Variants in CTNNA2 observed in about 807,000 individuals in gnomAD.
CTNNA2 encodes catenin alpha-2.
CTNNA2 carries 42 observed loss-of-function variants against 101.0 expected under a neutral mutation model. The observed-to-expected ratio is 0.42, with a 90% CI of 0.32 to 0.54. The LOEUF is 0.54. CTNNA2 is among the 20% of genes least tolerant of loss of function. The pLI is 0.14. For missense variants in CTNNA2, 871 were observed against 1,223.1 expected (o/e 0.71, Z 4.29); for synonymous variants, 450 against 456.4 (o/e 0.99, Z 0.18).
chr2:79,275,086 C>T (rs996840387), intron 2 of CTNNA2, among the ~76,000 whole-genome samples: 4 of 152,078 alleles, frequency 2.6e-5, no homozygotes, highest in African/African-American at 9.7e-5. Flanking sequence ...ACCTGGAAGG[C>T]TTCAGTTATT....
At chr2:79,707,670 C>G (rs1685471858) in intron 2 of CTNNA2, among the ~76,000 whole-genome samples, 1 of 152,230 alleles carries the variant, frequency 6.6e-6, no homozygotes, top group Non-Finnish European at 1.5e-5. Context: ...ACTCCTTCAG[C>G]ACTCTCGTTA....
At chr2:80,566,009 G>A (rs950955277) in intron 12 of CTNNA2, among the ~76,000 whole-genome samples, 7 of 151,994 alleles carry the variant, frequency 4.6e-5, no homozygotes, top group Non-Finnish European at 7.4e-5. Flanking sequence ...ATCAAGCATC[G>A]TTGCTACAAT....
At chr2:80,087,681 G>A (rs1455583297) in intron 7 of CTNNA2, among the ~76,000 whole-genome samples, 1 of 152,008 alleles carries the variant, frequency 6.6e-6, no homozygotes, top group Non-Finnish European at 1.5e-5. Context: ...CATCACCTGG[G>A]CATCTTATTA....
rs139832666 is a variant in CTNNA2 at position 79,796,896 on chromosome 2, C to T, written c.298+52314C>T. On this transcript the variant is annotated intron_variant, in intron 3 of 18. Coordinates refer to ENST00000402739, the MANE Select transcript of CTNNA2 (RefSeq NM_001282597.3). ...TAGCCCTCCAGGAGATGGAACAGTG[C>T]AGGGATGAGATAGATATGACTCATG... 2.4e-4 allele frequency among the ~76,000 whole-genome samples: 37 copies of T among 152,248 alleles called. No individual in the cohort carries two copies. In the East Asian group the frequency reaches 6.6e-3, roughly 27 times the overall value.
intron 6 of CTNNA2, among the ~76,000 whole-genome samples, chr2:79,876,564 GCA>G (rs1683040652): frequency 6.6e-6 from 1 of 152,156 alleles, no homozygotes; most frequent in Non-Finnish European, 1.5e-5. Flanking sequence ...AAAATATGAA[GCA>G]CAGAGAGAAG....
intron 9 of CTNNA2, among the ~76,000 whole-genome samples, chr2:80,496,508 T>C (rs1237402924): frequency 6.6e-6 from 1 of 151,474 alleles, no homozygotes; most frequent in African/African-American, 2.4e-5. Context: ...AAATCCAAGC[T>C]CTGCCACTAG....
At chr2:79,671,082 C>T (rs961948493) in intron 2 of CTNNA2, among the ~76,000 whole-genome samples, 41 of 152,202 alleles carry the variant, frequency 2.7e-4, no homozygotes, top group African/African-American at 9.4e-4. Flanking sequence ...AGTGAATGCA[C>T]GGCGCTGTCA....
chr2:79,952,321 A>C (rs1688941477), intron 7 of CTNNA2, among the ~76,000 whole-genome samples: 1 of 152,194 alleles, frequency 6.6e-6, no homozygotes, highest in African/African-American at 2.4e-5. Flanking sequence ...ATAAACAGGC[A>C]AAGCAAAGCA....
intron 2 of CTNNA2, among the ~76,000 whole-genome samples, chr2:79,271,954 GTCTCCCATCA>G (rs944201225): frequency 6.6e-6 from 1 of 151,700 alleles, no homozygotes; most frequent in Admixed American, 6.6e-5. Flanking sequence ...AACCTTCCTC[GTCTCCCATCA>G]AAACTGCCCT....
chr2:80,452,698 T>C (rs1683617784), intron 9 of CTNNA2, among the ~76,000 whole-genome samples: 1 of 151,552 alleles, frequency 6.6e-6, no homozygotes, highest in Non-Finnish European at 1.5e-5. Flanking sequence ...GAAAACCAGC[T>C]TAGATAAAAA....
chr2:79,918,284 G>T lies in CTNNA2; in HGVS notation c.1056+8487G>T, dbSNP rs187547574. On this transcript the variant is annotated intron_variant, in intron 7 of 18. Coordinates refer to ENST00000402739, the MANE Select transcript of CTNNA2 (RefSeq NM_001282597.3). ...ATGTAAGGGCATTACTAGAAGAAAA[G>T]AAATGACAAGAAAGTAATTAACTGG... 2.4e-3 allele frequency among the ~76,000 whole-genome samples: 369 copies of T among 152,240 alleles called. 9 individuals carry two copies. Among genetic ancestry groups the T allele is most frequent in the Admixed American group, 0.022 (340 of 15,288 alleles).
At chr2:79,715,128 A>G (rs976301908) in intron 2 of CTNNA2, among the ~76,000 whole-genome samples, 6 of 148,348 alleles carry the variant, frequency 4.0e-5, no homozygotes, top group African/African-American at 1.5e-4. Flanking sequence ...AATCGCTTGA[A>G]CACGGGAGGC....
chr2:79,589,073 G>A (rs1440950938), intron 1 of CTNNA2, among the ~76,000 whole-genome samples: 1 of 152,222 alleles, frequency 6.6e-6, no homozygotes, highest in African/African-American at 2.4e-5. Flanking sequence ...TCCTAGTTCT[G>A]TGTTATTAGC....
At chr2:80,018,772 C>T (rs931064354) in intron 7 of CTNNA2, among the ~76,000 whole-genome samples, 1 of 137,374 alleles carries the variant, frequency 7.3e-6, no homozygotes, top group African/African-American at 2.8e-5. Flanking sequence ...CAGGGCGAGA[C>T]TCTGTGTAAA....
Position 80,400,484 on chromosome 2 carries a change from G to A in CTNNA2, c.1137+7193G>A, listed in dbSNP as rs139513404. Among the ~76,000 whole-genome samples the A allele has an allele frequency of 1.9e-3, 290 of 152,000 alleles. 1 individual carries two copies. The highest frequency in any genetic ancestry group is 6.4e-3 in the African/African-American group (264 of 41,444). Reference sequence around the variant, plus strand: ...GGAGTTCAACATTGCTCTTTGCTTGGGTGGAAAATTGTGAAGAAGATGATG... The same window carrying A: ...GGAGTTCAACATTGCTCTTTGCTTGAGTGGAAAATTGTGAAGAAGATGATG... On this transcript the variant is annotated intron_variant, in intron 8 of 18. Coordinates refer to ENST00000402739, the MANE Select transcript of CTNNA2 (RefSeq NM_001282597.3).
At chr2:80,101,613 G>C (rs1273987307) in intron 7 of CTNNA2, among the ~76,000 whole-genome samples, 8 of 152,204 alleles carry the variant, frequency 5.3e-5, no homozygotes, top group Non-Finnish European at 1.2e-4. Flanking sequence ...CAGTAATTCA[G>C]GTGCCATCCT....
chr2:80,392,108 T>A (rs1296693478), intron 7 of CTNNA2, among the ~76,000 whole-genome samples: 2 of 152,216 alleles, frequency 1.3e-5, no homozygotes, highest in African/African-American at 2.4e-5. Flanking sequence ...TCCCGGATTT[T>A]GTCACGGAAA....
At position 80,236,130 on chromosome 2, in the gene CTNNA2, A is replaced by C. The variant is rs534340221; in HGVS notation, c.1057-157081A>C. 7.2e-5 allele frequency among the ~76,000 whole-genome samples: 11 copies of C among 152,326 alleles called. No homozygotes were observed. The South Asian group carries it at 2.3e-3, about 32-fold the overall frequency. ...TCCAGCTCTATCCATGTTCTCTCAA[A>C]AGACATGATCTTGTTCTTTTTTATG... On this transcript the variant is annotated intron_variant, in intron 7 of 18. Transcript: ENST00000402739.
chr2:80,125,950 G>T (rs1283498520), intron 7 of CTNNA2, among the ~76,000 whole-genome samples: 1 of 152,088 alleles, frequency 6.6e-6, no homozygotes, highest in Admixed American at 6.6e-5. Flanking sequence ...GTTCACTTTT[G>T]TAAAGAATAA....
Sources: allele counts gnomAD v4.1 joint callset (sites outside exome capture counted in the v4.1 genomes callset), GRCh38; gene constraint gnomAD v4.1.1; transcripts MANE v1.5; gene names NCBI Gene and HGNC (gene_info 2026-07-23, HGNC 2026-07-21).